TLR6: variants seen among roughly 807,000 people sequenced by gnomAD.
TLR6 encodes the protein toll-like receptor 6.
A neutral mutation model predicts 16.1 loss-of-function variants in TLR6; 9 were observed. The ratio of observed to expected loss-of-function variants is 0.56; its 90% confidence interval spans 0.34 to 0.98. The LOEUF is 0.98. Ranked by LOEUF, TLR6 falls within the 50% of genes least tolerant of loss-of-function variation. The probability of loss-of-function intolerance (pLI) is 0.02; values close to 1 mark genes in which losing one functional copy is unlikely to be tolerated. For missense variants in TLR6, 786 were observed against 921.0 expected (o/e 0.85, Z 1.90); for synonymous variants, 340 against 338.6 (o/e 1.00, Z -0.04).
At chr4:38,847,126 G>T (rs1712564066) in intron 1 of TLR6, among the ~76,000 whole-genome samples, 1 of 152,006 alleles carries the variant, frequency 6.6e-6, no homozygotes, top group Admixed American at 6.5e-5. Context: ...TCTCTATAAA[G>T]GTGAAAAATT....
chr4:38,828,158 A>G, exon 2 of TLR6: 2 of 1,614,246 alleles, frequency 1.2e-6, no homozygotes, highest in Non-Finnish European at 1.7e-6. Context: ...GTCAGTAAGC[A>G]TATTTGAAGA....
intron 1 of TLR6, among the ~76,000 whole-genome samples, chr4:38,847,113 G>C (rs1174456686): frequency 6.6e-6 from 1 of 152,014 alleles, no homozygotes; most frequent in Non-Finnish European, 1.5e-5. Context: ...AAATAGATGA[G>C]CATCTCTATA....
Position 38,835,870 on chromosome 4 carries a change from A to T in TLR6, c.-64-6333T>A, listed in dbSNP as rs1579246316. 3.3e-5 allele frequency among the ~76,000 whole-genome samples: 5 copies of T among 152,350 alleles called. No homozygotes were observed. In the East Asian group the frequency reaches 7.7e-4, roughly 23 times the overall value. ...AAATTAAACAACATGCTCCTGAACAACCACTGGGTGAATGAAGAAATTAAA... is the reference window on the plus strand; with the variant it reads ...AAATTAAACAACATGCTCCTGAACATCCACTGGGTGAATGAAGAAATTAAA... On this transcript the variant is annotated intron_variant, in intron 1 of 1. Coordinates refer to ENST00000436693, the Ensembl canonical transcript of TLR6.
chr4:38,825,628 C>T (rs1312125630), exon 2 of TLR6: 6 of 152,396 alleles, frequency 3.9e-5, no homozygotes, highest in African/African-American at 9.6e-5. Context: ...GATGCAGGGC[C>T]ACATTATCTG....
chr4:38,844,902 A>AC (rs1460559957), intron 1 of TLR6, among the ~76,000 whole-genome samples: 2 of 152,100 alleles, frequency 1.3e-5, no homozygotes, highest in Non-Finnish European at 2.9e-5. Flanking sequence ...AAACAAACAA[A>AC]AAAAAAATTA....
chr4:38,858,891 G>A (rs866923083), upstream of TLR6, among the ~76,000 whole-genome samples: 196 of 129,006 alleles, frequency 1.5e-3, 1 homozygote, highest in East Asian at 0.017. Context: ...AAGAAAGAGA[G>A]AAAGAAAGAA....
chr4:38,852,637 T>A (rs922944605), intron 1 of TLR6, among the ~76,000 whole-genome samples: 2 of 151,900 alleles, frequency 1.3e-5, no homozygotes, highest in Non-Finnish European at 2.9e-5. Flanking sequence ...AAAATGCTCA[T>A]CATCACTGGC....
upstream of TLR6, among the ~76,000 whole-genome samples, chr4:38,858,278 AC>A (rs113811353): frequency 2.0e-5 from 3 of 152,356 alleles, no homozygotes; most frequent in African/African-American, 7.2e-5. Context: ...AAATGGGAGT[AC>A]TTTTAGGAAA....
chr4:38,827,801 G>T (rs763985835), exon 2 of TLR6: 1 of 1,614,198 alleles, frequency 6.2e-7, no homozygotes, highest in South Asian at 1.1e-5. Context: ...ACACTTATAA[G>T]AATCAGGCCA....
chr4:38,845,191 T>G (rs1019650533), intron 1 of TLR6, among the ~76,000 whole-genome samples: 1 of 152,274 alleles, frequency 6.6e-6, no homozygotes, highest in African/African-American at 2.4e-5. Flanking sequence ...TCTATTAAAG[T>G]TTTATCTATA....
At chr4:38,848,643 A>C (rs2109465268) in intron 1 of TLR6, among the ~76,000 whole-genome samples, 1 of 152,384 alleles carries the variant, frequency 6.6e-6, no homozygotes, top group East Asian at 1.9e-4. Context: ...CACAAGTTTC[A>C]GTAGCTGATT....
At chr4:38,841,568 A>T (rs1374772684) in intron 1 of TLR6, among the ~76,000 whole-genome samples, 1 of 152,226 alleles carries the variant, frequency 6.6e-6, no homozygotes, top group Admixed American at 6.5e-5. Context: ...AGAGAGAGAA[A>T]GAGAGAAGAA....
chr4:38,827,386 G>C lies in TLR6; in HGVS notation c.2088C>G (p.Tyr696Ter). The C allele has an allele frequency of 6.2e-7, 1 of 1,614,174 alleles. No individual in the cohort carries two copies. The highest frequency in any genetic ancestry group is 8.5e-7 in the Non-Finnish European group (1 of 1,180,032). ...TGGGAGACAAAACAAAGATGGACTT[G>C]TAACTCTTCTCAATGCAGTTGATGA... Residue 696 changes from tyrosine to a stop codon, truncating the protein, a stop_gained, in exon 2 of 2, where the codon TAC (tyrosine) becomes TAG (stop). Coordinates refer to ENST00000436693, the Ensembl canonical transcript of TLR6. LOFTEE classifies it high-confidence loss of function.
At chr4:38,856,382 T>C (rs1712989029) in intron 1 of TLR6, among the ~76,000 whole-genome samples, 1 of 152,102 alleles carries the variant, frequency 6.6e-6, no homozygotes, top group Admixed American at 6.5e-5. Context: ...AAACATATAA[T>C]AAATAGGTGC....
chr4:38,853,921 G>A (rs531568710), intron 1 of TLR6, among the ~76,000 whole-genome samples: 7 of 152,186 alleles, frequency 4.6e-5, no homozygotes. Flanking sequence ...CACTATATGT[G>A]ACAAAAAGCA....
intron 1 of TLR6, among the ~76,000 whole-genome samples, chr4:38,849,213 C>T (rs1471984510): frequency 6.6e-6 from 1 of 152,150 alleles, no homozygotes; most frequent in Non-Finnish European, 1.5e-5. Flanking sequence ...AAATCCTTTA[C>T]AGACAAGCAA....
chr4:38,855,382 T>C (rs1301607489), intron 1 of TLR6, among the ~76,000 whole-genome samples: 1 of 152,190 alleles, frequency 6.6e-6, no homozygotes, highest in Non-Finnish European at 1.5e-5. Flanking sequence ...TAATTTTCTT[T>C]CTTATACTTT....
intron 1 of TLR6, chr4:38,843,548 G>A (rs1186151032): frequency 6.6e-6 from 1 of 152,194 alleles, no homozygotes; most frequent in East Asian, 1.9e-4. Flanking sequence ...AAAGAGATGA[G>A]TCCTTTATTT....
chr4:38,834,004 A>C (rs1224461403), intron 1 of TLR6, among the ~76,000 whole-genome samples: 2 of 151,742 alleles, frequency 1.3e-5, no homozygotes, highest in Non-Finnish European at 2.9e-5. Flanking sequence ...AGGTGGGTGG[A>C]TCTCCTGAGG....
Sources: allele counts gnomAD v4.1 joint callset (sites outside exome capture counted in the v4.1 genomes callset), GRCh38; gene constraint gnomAD v4.1.1; transcripts MANE v1.5; gene names NCBI Gene and HGNC (gene_info 2026-07-23, HGNC 2026-07-21).